MMP28: variants seen among roughly 807,000 people sequenced by gnomAD.
The protein encoded by MMP28 is matrix metalloproteinase-28.
Under a neutral mutation model 60.5 loss-of-function variants are expected in MMP28, and 55 were observed. The observed-to-expected ratio is 0.91, with a 90% CI of 0.73 to 1.14. The LOEUF (loss-of-function observed/expected upper bound fraction) is 1.14. MMP28 is among the 50% of genes most tolerant of loss of function. MMP28 has a pLI of 0.00. For synonymous variants in MMP28, 318 were observed against 312.5 expected, an observed-to-expected ratio of 1.02 and a Z score of -0.18; for missense variants, 686 against 738.3, an observed-to-expected ratio of 0.93 and a Z score of 0.82.
chr17:35,758,365 A>G (rs950496979), intron 2 of MMP28: 2 of 152,172 alleles, frequency 1.3e-5, no homozygotes, highest in African/African-American at 2.4e-5. Context: ...CATGTTTTCA[A>G]TGAAGACTAT....
chr17:35,780,840 G>GAA (rs112660920), intron 1 of MMP28, among the ~76,000 whole-genome samples: 1 of 106,580 alleles, frequency 9.4e-6, no homozygotes. Flanking sequence ...GTCTCGAAAA[G>GAA]AAAAAAAAAA....
At position 35,774,904 on chromosome 17, in the gene MMP28, G is replaced by T. The variant is rs944309869; in HGVS notation, c.380-1500C>A. On this transcript the variant is annotated intron_variant, in intron 3 of 7. Coordinates refer to ENST00000605424, the MANE Select transcript of MMP28 (RefSeq NM_024302.5). ...GGCACACTGTGAGTCTTCAATGGGC[G>T]CTGGGCTCTTTCACGCCCTTGCTGT... Among the ~76,000 whole-genome samples, 8 of 152,334 alleles carry T rather than the reference G, an allele frequency of 5.3e-5. No individual in the cohort carries two copies. The Middle Eastern group carries it at 0.01, about 194-fold the overall frequency.
intron 1 of MMP28, among the ~76,000 whole-genome samples, chr17:35,795,030 G>A (rs1329086797): frequency 1.3e-5 from 2 of 152,202 alleles, no homozygotes; most frequent in Admixed American, 6.5e-5. Context: ...CCGTCTGTCC[G>A]GTCTCGTCTC....
Position 35,768,287 on chromosome 17 carries a change from G to C in MMP28, c.943C>G (p.Arg315Gly). Reference protein sequence around the residue: ...TWDSYSPQGRRPETQGPKYCH... With the variant: ...TWDSYSPQGRGPETQGPKYCH... ...TATTTAGGGCCCTGCGTTTCAGGGCGCCTTCCTTGGGGGCTGTAGGAGTCC... is the reference window on the plus strand; with the variant it reads ...TATTTAGGGCCCTGCGTTTCAGGGCCCCTTCCTTGGGGGCTGTAGGAGTCC... Residue 315 changes from arginine to glycine, a missense_variant, in exon 6 of 8, where the codon CGC (arginine) becomes GGC (glycine). By Grantham distance (125) the Arg-to-Gly change is moderately radical. Transcript: ENST00000605424. The C allele has an allele frequency of 6.2e-7, 1 of 1,613,320 alleles. No individual in the cohort carries two copies.
At chr17:35,795,001 G>A (rs2086925736) in intron 1 of MMP28, among the ~76,000 whole-genome samples, 1 of 152,220 alleles carries the variant, frequency 6.6e-6, no homozygotes, top group Admixed American at 6.5e-5. Flanking sequence ...AGGGTAGGAT[G>A]TCCCCTCTGG....
intron 3 of MMP28, chr17:35,778,469 A>G (rs2086397774): frequency 3.9e-6 from 1 of 257,786 alleles, no homozygotes; most frequent in African/African-American, 2.3e-5. Flanking sequence ...CTACATCTCA[A>G]TAAAGTGGTT....
intron 2 of MMP28, among the ~76,000 whole-genome samples, chr17:35,759,120 T>C (rs76135138): frequency 6.6e-5 from 10 of 152,362 alleles, no homozygotes; most frequent in South Asian, 2.1e-4. Flanking sequence ...CCTTCCTTGA[T>C]TCCTATCCAG....
At chr17:35,767,370 C>T (rs1038544957) in intron 7 of MMP28, among the ~76,000 whole-genome samples, 1 of 152,190 alleles carries the variant, frequency 6.6e-6, no homozygotes, top group African/African-American at 2.4e-5. Flanking sequence ...CACACTCCTT[C>T]CCCAGCAAGT....
intron 2 of MMP28, chr17:35,756,568 T>A (rs922410234): frequency 1.3e-5 from 4 of 313,508 alleles, no homozygotes; most frequent in Non-Finnish European, 1.8e-5. Context: ...CTTCTCGGGT[T>A]CAAGTGATTC....
At chr17:35,774,230 G>A (rs748144624) in intron 3 of MMP28, among the ~76,000 whole-genome samples, 60 of 152,224 alleles carry the variant, frequency 3.9e-4, no homozygotes, top group Non-Finnish European at 7.3e-4. Flanking sequence ...GCAGCTCAGC[G>A]TGCACCCGGC....
At chr17:35,772,696 GAACT>G (rs1461401356) in intron 4 of MMP28, among the ~76,000 whole-genome samples, 1 of 152,232 alleles carries the variant, frequency 6.6e-6, no homozygotes, top group Non-Finnish European at 1.5e-5. Flanking sequence ...GGGACAAACA[GAACT>G]ATCTGTGGCG....
At chr17:35,775,162 T>C (rs2086288497) in intron 3 of MMP28, among the ~76,000 whole-genome samples, 1 of 151,976 alleles carries the variant, frequency 6.6e-6, no homozygotes, top group African/African-American at 2.4e-5. Flanking sequence ...GGGGGAAGAA[T>C]AGGGAGGATG....
intron 1 of MMP28, among the ~76,000 whole-genome samples, chr17:35,786,644 A>G (rs2086655373): frequency 6.7e-6 from 1 of 148,594 alleles, no homozygotes; most frequent in Non-Finnish European, 1.5e-5. Flanking sequence ...TGGGGCAGGA[A>G]GATTTCTTGA....
intron 1 of MMP28, among the ~76,000 whole-genome samples, chr17:35,782,928 G>A (rs562088629): frequency 9.2e-5 from 14 of 152,272 alleles, no homozygotes; most frequent in African/African-American, 2.6e-4. Flanking sequence ...CAGGGTTCAC[G>A]CCATTCTCCT....
At chr17:35,770,357 C>A (rs1406095793) in intron 4 of MMP28, 45 bp from the exon 5 acceptor site, 40 of 1,452,168 alleles carry the variant, frequency 2.8e-5, no homozygotes, top group Non-Finnish European at 3.3e-5. Context: ...GCCCACGACG[C>A]CCCCAGGTAC....
At chr17:35,777,825 C>T (rs922187516) in intron 3 of MMP28, among the ~76,000 whole-genome samples, 2 of 152,192 alleles carry the variant, frequency 1.3e-5, no homozygotes, top group Non-Finnish European at 2.9e-5. Context: ...AAGGCGGGTT[C>T]GAGACCAGCC....
downstream of MMP28, chr17:35,764,449 C>G (rs781952915): frequency 1.7e-4 from 263 of 1,553,692 alleles, 1 homozygote; most frequent in South Asian, 3.0e-3. Flanking sequence ...CCGGAGGAGC[C>G]GTGCGTGCTG....
At chr17:35,772,816 G>A (rs2086200345) in intron 4 of MMP28, among the ~76,000 whole-genome samples, 2 of 152,158 alleles carry the variant, frequency 1.3e-5, no homozygotes, top group African/African-American at 4.8e-5. Flanking sequence ...GGTGGGCAGT[G>A]GATGTTTTTT....
intron 4 of MMP28, among the ~76,000 whole-genome samples, chr17:35,771,557 G>A (rs2086141094): frequency 6.7e-6 from 1 of 149,616 alleles, no homozygotes; most frequent in Non-Finnish European, 1.5e-5. Flanking sequence ...AGCATTCAGT[G>A]TATGAAAGTT....
Sources: gnomAD v4.1 joint callset for allele counts (sites outside exome capture counted in the v4.1 genomes callset) on GRCh38, gnomAD v4.1.1 for gene constraint, MANE v1.5 for transcripts, NCBI Gene and HGNC (gene_info 2026-07-23, HGNC 2026-07-21) for gene names.